The following DOCK7 variants were observed in gnomAD, a reference collection of about 807,000 sequenced individuals.
DOCK7 encodes the protein dedicator of cytokinesis 7.
A neutral mutation model predicts 271.0 loss-of-function variants in DOCK7; 138 were observed. The observed-to-expected ratio is 0.51, with a 90% confidence interval of 0.44 to 0.59. The LOEUF (loss-of-function observed/expected upper bound fraction) is 0.59, where lower values mean the gene tolerates loss of function less well. DOCK7 is among the 20% of genes least tolerant of loss of function. The pLI, the probability that DOCK7 is intolerant of heterozygous loss-of-function variation, is 0.00. For synonymous variants in DOCK7, 823 were observed against 876.1 expected, an observed-to-expected ratio of 0.94 and a Z score of 1.07; for missense variants, 2,066 against 2,592.4, an observed-to-expected ratio of 0.80 and a Z score of 4.41.
In DOCK7 at chr1:62,561,805, A is replaced by G. The variant is rs889837443; in HGVS notation, c.2113-102T>C. On this transcript the variant is annotated intron_variant, in intron 18 of 49. Transcript: ENST00000635253. ...TCCCAATGAGAAAAATATTGTGAAAATATATTTTTATTCACTGTAAATAAA... is the reference window on the plus strand; with the variant it reads ...TCCCAATGAGAAAAATATTGTGAAAGTATATTTTTATTCACTGTAAATAAA... 5.5e-5 allele frequency: 32 copies of G among 584,974 alleles called. No homozygotes were observed. In the African/African-American group the frequency reaches 6.1e-4, roughly 11 times the overall value. 36.2% of individuals were successfully genotyped at this position (584,974 alleles called of 1,614,324 possible).
At chr1:62,474,424 C>G (rs556369880) in intron 47 of DOCK7, among the ~76,000 whole-genome samples, 9 of 152,200 alleles carry the variant, frequency 5.9e-5, no homozygotes, top group Non-Finnish European at 1.2e-4. Flanking sequence ...GCTACTACAT[C>G]TGCCAATCCG....
At chr1:62,540,872 C>T (rs374840339) in intron 25 of DOCK7, among the ~76,000 whole-genome samples, 583 of 7,794 alleles carry the variant, frequency 0.075, 6 homozygotes, top group Admixed American at 0.1. Flanking sequence ...TTTTACCTTA[C>T]AGGAGCAGAG....
chr1:62,550,742 T>C (rs1385460737), intron 22 of DOCK7, among the ~76,000 whole-genome samples: 1 of 150,236 alleles, frequency 6.7e-6, no homozygotes, highest in Non-Finnish European at 1.5e-5. Context: ...TTTTCTGAAA[T>C]AGAGTTTCAC....
chr1:62,553,313 TA>T (rs199565189), intron 21 of DOCK7, among the ~76,000 whole-genome samples: 1,764 of 50,392 alleles, frequency 0.035, 146 homozygotes, highest in Middle Eastern at 0.1. Context: ...AAAAGTATTT[TA>T]TATATATATA....
intron 43 of DOCK7, chr1:62,479,051 A>C (rs1256922592): frequency 1.3e-5 from 2 of 152,272 alleles, no homozygotes; most frequent in East Asian, 3.9e-4. Flanking sequence ...TTGCTCAGCT[A>C]ATTTTTACAA....
chr1:62,572,835 C>T lies in DOCK7; in HGVS notation c.2112+4427G>A, dbSNP rs574621536. ...GTTCCATAGCAGAGAGATTAAGAAA[C>T]TTGCCCAGGGTCACACAATTAAGTG... On this transcript the variant is annotated intron_variant, in intron 18 of 49. Coordinates refer to ENST00000635253, the MANE Select transcript of DOCK7 (RefSeq NM_001367561.1). Among the ~76,000 whole-genome samples the T allele has an allele frequency of 5.3e-5, 8 of 152,324 alleles. No homozygotes were observed. In the East Asian group the frequency reaches 1.4e-3, roughly 26 times the overall value.
chr1:62,477,856 A>G (rs752659682), intron 43 of DOCK7, 31 bp from the exon 44 acceptor site: 2 of 1,555,434 alleles, frequency 1.3e-6, no homozygotes, highest in Admixed American at 2.0e-5. Flanking sequence ...AAAATGGAGA[A>G]ACTTTAATAT....
chr1:62,510,758 TACA>T (rs1571344229), intron 33 of DOCK7, 85 bp from the exon 34 acceptor site: 15 of 1,048,314 alleles, frequency 1.4e-5, no homozygotes, highest in Non-Finnish European at 1.4e-5. Context: ...GTAAGAAATA[TACA>T]ACAATAATTT....
At chr1:62,651,934 T>C (rs564604503) in intron 4 of DOCK7, among the ~76,000 whole-genome samples, 25 of 152,228 alleles carry the variant, frequency 1.6e-4, no homozygotes, top group South Asian at 1.0e-3. Flanking sequence ...CCATATCCAG[T>C]GGTTGCAGGG....
In DOCK7 at chr1:62,624,099, T is replaced by C. The variant is rs371781369; in HGVS notation, c.1425+1160A>G. Among the ~76,000 whole-genome samples, 3 of 152,316 alleles carry C rather than the reference T, an allele frequency of 2.0e-5. No homozygotes were observed. The East Asian group carries it at 5.8e-4, about 29-fold the overall frequency. On this transcript the variant is annotated intron_variant, in intron 12 of 49. Coordinates refer to ENST00000635253, the MANE Select transcript of DOCK7 (RefSeq NM_001367561.1). ...TACGCTAATACAAATTTTCTCCCCATTCTTATATGGTTCTAGTCACCTAGT... is the reference window on the plus strand; with the variant it reads ...TACGCTAATACAAATTTTCTCCCCACTCTTATATGGTTCTAGTCACCTAGT...
intron 14 of DOCK7, among the ~76,000 whole-genome samples, chr1:62,611,576 A>G (rs1651792069): frequency 1.3e-5 from 2 of 152,198 alleles, no homozygotes; most frequent in African/African-American, 4.8e-5. Flanking sequence ...ACAAGGTACC[A>G]TGGTACACAA....
intron 8 of DOCK7, 86 bp from the exon 9 acceptor site, chr1:62,635,008 T>C (rs988956552): frequency 2.6e-6 from 2 of 765,682 alleles, no homozygotes; most frequent in Non-Finnish European, 4.0e-6. Context: ...TGCTACTTAC[T>C]TTTAGAACTC....
intron 7 of DOCK7, among the ~76,000 whole-genome samples, chr1:62,646,988 AATCT>A (rs979152320): frequency 6.6e-6 from 1 of 152,210 alleles, no homozygotes; most frequent in Non-Finnish European, 1.5e-5. Context: ...CAATGCACTT[AATCT>A]ATCTAACATG....
At chr1:62,576,435 A>T (rs1286870306) in intron 18 of DOCK7, among the ~76,000 whole-genome samples, 1 of 152,210 alleles carries the variant, frequency 6.6e-6, no homozygotes, top group Non-Finnish European at 1.5e-5. Flanking sequence ...GGAACAGCAG[A>T]GGCTCTGTGC....
chr1:62,541,069 T>A (rs1645513588), intron 25 of DOCK7, among the ~76,000 whole-genome samples: 1 of 152,216 alleles, frequency 6.6e-6, no homozygotes, highest in South Asian at 2.1e-4. Flanking sequence ...GATCCTTTTC[T>A]CTTTTTTGTT....
chr1:62,470,848 A>C (rs1645810224), intron 48 of DOCK7, among the ~76,000 whole-genome samples: 1 of 151,990 alleles, frequency 6.6e-6, no homozygotes. Flanking sequence ...GTTCCCCAAA[A>C]ACCTATGGAA....
intron 22 of DOCK7, among the ~76,000 whole-genome samples, chr1:62,549,741 C>T (rs1426454318): frequency 6.6e-6 from 1 of 152,092 alleles, no homozygotes; most frequent in Non-Finnish European, 1.5e-5. Flanking sequence ...CCCTGTTGTG[C>T]TATCAAATAC....
chr1:62,526,288 A>G (rs1319186176), intron 31 of DOCK7, among the ~76,000 whole-genome samples: 2 of 152,210 alleles, frequency 1.3e-5, no homozygotes, highest in African/African-American at 4.8e-5. Context: ...GATATACAAA[A>G]CAATGTGCCA....
intron 43 of DOCK7, among the ~76,000 whole-genome samples, chr1:62,479,932 G>A (rs2149266556): frequency 1.3e-5 from 2 of 152,226 alleles, no homozygotes; most frequent in South Asian, 4.2e-4. Flanking sequence ...TGATCTAGCT[G>A]CCTCAGCCTC....
Sources: allele counts gnomAD v4.1 joint callset (sites outside exome capture counted in the v4.1 genomes callset), GRCh38; gene constraint gnomAD v4.1.1; transcripts MANE v1.5; gene names NCBI Gene and HGNC (gene_info 2026-07-23, HGNC 2026-07-21).